Variants in PDE4D observed in about 807,000 individuals in gnomAD.
PDE4D encodes phosphodiesterase 4D, also known as 3',5'-cyclic-AMP phosphodiesterase 4D.
PDE4D carries 24 observed loss-of-function variants against 87.4 expected under a neutral mutation model. The ratio of observed to expected loss-of-function variants is 0.27; its 90% CI spans 0.20 to 0.39. PDE4D has a LOEUF of 0.39. Among genes scored for constraint, PDE4D ranks in the 10% least tolerant of loss-of-function variants. PDE4D has a pLI of 1.00. For missense variants in PDE4D, 714 were observed against 1,041.0 expected (o/e 0.69, Z 4.32); for synonymous variants, 384 against 383.2 (o/e 1.00, Z -0.02).
intron 1 of PDE4D, among the ~76,000 whole-genome samples, chr5:60,375,307 T>C (rs537385154): frequency 2.6e-5 from 4 of 152,264 alleles, no homozygotes; most frequent in East Asian, 1.9e-4. Flanking sequence ...CTCTCAAACA[T>C]TGTTGAATGA....
intron 2 of PDE4D, among the ~76,000 whole-genome samples, chr5:60,087,693 CCAGT>C (rs1275716272): frequency 1.3e-5 from 2 of 151,258 alleles, no homozygotes; most frequent in African/African-American, 4.9e-5. Context: ...ATGAAATTAC[CCAGT>C]CAGAGAAGCA....
intron 2 of PDE4D, among the ~76,000 whole-genome samples, chr5:60,148,472 C>G (rs2149436143): frequency 6.6e-6 from 1 of 152,098 alleles, no homozygotes; most frequent in African/African-American, 2.4e-5. Context: ...AACACTATAC[C>G]ATTTTATGTA....
At chr5:60,001,585 T>A (rs1184025864) in intron 2 of PDE4D, among the ~76,000 whole-genome samples, 1 of 152,140 alleles carries the variant, frequency 6.6e-6, no homozygotes, top group Non-Finnish European at 1.5e-5. Flanking sequence ...GGTAAATACA[T>A]AATTAAATTC....
chr5:59,232,471 A>G (rs1207014487), intron 1 of PDE4D, among the ~76,000 whole-genome samples: 1 of 151,282 alleles, frequency 6.6e-6, no homozygotes, highest in Non-Finnish European at 1.5e-5. Flanking sequence ...TCAAAACCAC[A>G]GTGAGGTATC....
At chr5:59,470,413 A>C (rs1017604211) in intron 1 of PDE4D, among the ~76,000 whole-genome samples, 5 of 152,102 alleles carry the variant, frequency 3.3e-5, no homozygotes, top group Non-Finnish European at 5.9e-5. Flanking sequence ...CTGTACTCCT[A>C]CTCATAGAGG....
At chr5:59,779,941 C>T (rs1764443099) in intron 1 of PDE4D, among the ~76,000 whole-genome samples, 1 of 152,186 alleles carries the variant, frequency 6.6e-6, no homozygotes, top group Non-Finnish European at 1.5e-5. Context: ...ACACTCCCAC[C>T]AACAGTCTTT....
chr5:59,839,664 GT>G (rs1307786348), intron 1 of PDE4D, among the ~76,000 whole-genome samples: 3 of 152,026 alleles, frequency 2.0e-5, no homozygotes, highest in African/African-American at 7.2e-5. Context: ...GAAGTGTAAT[GT>G]GAATCATTCT....
intron 1 of PDE4D, among the ~76,000 whole-genome samples, chr5:60,205,164 C>T (rs1328272628): frequency 6.6e-6 from 1 of 152,150 alleles, no homozygotes; most frequent in African/African-American, 2.4e-5. Context: ...TGTCAGCTGC[C>T]AGGCCTACTT....
At chr5:59,437,938 G>A (rs944986933) in intron 1 of PDE4D, among the ~76,000 whole-genome samples, 12 of 152,102 alleles carry the variant, frequency 7.9e-5, no homozygotes, top group Admixed American at 4.6e-4. Context: ...TACAATCATG[G>A]CAGAAGGCAC....
intron 1 of PDE4D, among the ~76,000 whole-genome samples, chr5:59,429,534 G>C (rs1211605988): frequency 2.0e-5 from 3 of 152,106 alleles, no homozygotes; most frequent in African/African-American, 7.2e-5. Flanking sequence ...AGTAATGACA[G>C]TTTCCAAGTA....
At chr5:60,319,364 G>C (rs187307608) in intron 1 of PDE4D, among the ~76,000 whole-genome samples, 1 of 152,120 alleles carries the variant, frequency 6.6e-6, no homozygotes, top group Non-Finnish European at 1.5e-5. Context: ...CTCTGCATTG[G>C]TTATTCTAGT....
intron 1 of PDE4D, among the ~76,000 whole-genome samples, chr5:59,665,667 A>G (rs1159320192): frequency 6.6e-6 from 1 of 152,320 alleles, no homozygotes. Flanking sequence ...CCAAAATTCA[A>G]ATGTTGAAAT....
intron 1 of PDE4D, among the ~76,000 whole-genome samples, chr5:60,380,937 AT>A (rs1251381780): frequency 3.3e-5 from 5 of 152,092 alleles, no homozygotes; most frequent in African/African-American, 7.2e-5. Flanking sequence ...AAGCTTGGTG[AT>A]TTTTCGTGCA....
intron 1 of PDE4D, among the ~76,000 whole-genome samples, chr5:60,255,668 A>T (rs1324377492): frequency 6.6e-6 from 1 of 151,804 alleles, no homozygotes; most frequent in East Asian, 1.9e-4. Flanking sequence ...CTCTCTATCA[A>T]CATCATCATT....
At chr5:60,394,209 C>T (rs1175841034) in intron 1 of PDE4D, among the ~76,000 whole-genome samples, 1 of 152,186 alleles carries the variant, frequency 6.6e-6, no homozygotes, top group Non-Finnish European at 1.5e-5. Flanking sequence ...TGCACACAAA[C>T]TAACACATAC....
intron 1 of PDE4D, among the ~76,000 whole-genome samples, chr5:59,305,517 C>G (rs947631086): frequency 2.6e-5 from 4 of 151,908 alleles, no homozygotes. Flanking sequence ...CTCTTTCAGT[C>G]TTTTTGATGT....
chr5:60,088,332 A>G (rs1422213724), intron 2 of PDE4D, among the ~76,000 whole-genome samples: 3 of 152,028 alleles, frequency 2.0e-5, no homozygotes, highest in Non-Finnish European at 4.4e-5. Context: ...AAAAAAACCT[A>G]AAGTATGAAA....
At chr5:60,438,881 A>C (rs1481174445) in intron 1 of PDE4D, among the ~76,000 whole-genome samples, 1 of 152,164 alleles carries the variant, frequency 6.6e-6, no homozygotes, top group Non-Finnish European at 1.5e-5. Context: ...AGTCATTCCC[A>C]GACAATCTTC....
intron 1 of PDE4D, among the ~76,000 whole-genome samples, chr5:59,698,339 T>A (rs1752083261): frequency 6.6e-6 from 1 of 152,082 alleles, no homozygotes; most frequent in Non-Finnish European, 1.5e-5. Context: ...CTTAAGCAGA[T>A]CACATAGTAA....
Sources: allele counts gnomAD v4.1 joint callset (sites outside exome capture counted in the v4.1 genomes callset), GRCh38; gene constraint gnomAD v4.1.1; transcripts MANE v1.5; gene names NCBI Gene and HGNC (gene_info 2026-07-23, HGNC 2026-07-21).